Variants in DDX17 observed in about 807,000 individuals in gnomAD.
The protein encoded by DDX17 is probable ATP-dependent RNA helicase DDX17.
A neutral mutation model predicts 80.8 loss-of-function variants in DDX17; 10 were observed. The observed-to-expected ratio is 0.12, with a 90% CI of 0.08 to 0.21. DDX17 has a LOEUF of 0.21. Ranked by LOEUF, DDX17 falls within the 10% of genes least tolerant of loss-of-function variation. The probability of loss-of-function intolerance (pLI) is 1.00; values close to 1 mark genes in which losing one functional copy is unlikely to be tolerated. For missense variants in DDX17, 586 were observed against 957.4 expected (o/e 0.61, Z 5.12); for synonymous variants, 339 against 336.2 (o/e 1.01, Z -0.09).
intron 11 of DDX17, chr22:38,490,597 GAAC>G (rs2145690828): frequency 2.0e-6 from 1 of 511,522 alleles, no homozygotes; most frequent in East Asian, 7.1e-5. Context: ...TACCTGAAGG[GAAC>G]ATTTAAGAGA....
Position 38,490,442 on chromosome 22 carries a change from A to G in DDX17, c.1447+1614T>C, listed in dbSNP as rs767835906. On this transcript the variant is annotated intron_variant, in intron 11 of 12. Coordinates refer to ENST00000403230, the MANE Select transcript of DDX17 (RefSeq NM_006386.5). The stretch of plus-strand genomic sequence containing the variant: ...TGCAGCTGATATCAAAGCTTCTGTT[A>G]AAAAACAAAACAAAATAAATTCAAT... 17 of 1,289,324 alleles carry G rather than the reference A, an allele frequency of 1.3e-5. No individual in the cohort carries two copies. In the South Asian group the frequency reaches 2.0e-4, roughly 15 times the overall value. The allele number at this position is 1,289,324 out of a possible 1,614,324, so 79.9% of individuals were successfully genotyped here.
At chr22:38,486,500 TA>T (rs1182906096) in intron 12 of DDX17, 60 bp from the exon 13 acceptor site, 27 of 1,474,032 alleles carry the variant, frequency 1.8e-5, no homozygotes, top group Non-Finnish European at 2.4e-5. Flanking sequence ...CATAACAATG[TA>T]AAAATTCTAC....
intron 10 of DDX17, among the ~76,000 whole-genome samples, chr22:38,492,612 A>T: frequency 6.6e-6 from 1 of 152,122 alleles, no homozygotes; most frequent in Non-Finnish European, 1.5e-5. Flanking sequence ...TCAGTCTCCC[A>T]AATAGCTGGG....
chr22:38,502,688 TAGA>T, intron 1 of DDX17, among the ~76,000 whole-genome samples: 1 of 152,342 alleles, frequency 6.6e-6, no homozygotes, highest in South Asian at 2.1e-4. Flanking sequence ...CTACTTTTCC[TAGA>T]AGAATCTTAA....
At chr22:38,505,845 T>C in intron 1 of DDX17, 106 bp downstream of exon 1, 4 of 1,387,560 alleles carry the variant, frequency 2.9e-6, no homozygotes, top group South Asian at 2.8e-5. Flanking sequence ...TCCCCTCGCC[T>C]CCCGGGTCGA....
intron 1 of DDX17, among the ~76,000 whole-genome samples, chr22:38,503,205 A>G (rs1006469903): frequency 6.6e-6 from 1 of 152,202 alleles, no homozygotes; most frequent in East Asian, 1.9e-4. Flanking sequence ...CCAAAAGGCC[A>G]CCTCAATTGC....
In DDX17 at chr22:38,494,617, A is replaced by T; in HGVS notation, c.1214+13T>A. The T allele has an allele frequency of 6.2e-7, 1 of 1,612,790 alleles. No individual in the cohort carries two copies. Among genetic ancestry groups the T allele is most frequent in the Non-Finnish European group, 8.5e-7 (1 of 1,179,052 alleles). On this transcript the variant is annotated intron_variant, in intron 8 of 12. Coordinates refer to ENST00000403230, the MANE Select transcript of DDX17 (RefSeq NM_006386.5). Reference sequence around the variant, plus strand: ...ATCAGCATTATCAAATCAGAGTAAAATATCTTTCATACTTGTGGTCTTTTT... The same window carrying T: ...ATCAGCATTATCAAATCAGAGTAAATTATCTTTCATACTTGTGGTCTTTTT...
chr22:38,485,040 A>T lies in DDX17; in HGVS notation c.*895T>A, dbSNP rs2089640952. The stretch of plus-strand genomic sequence containing the variant: ...AATGTGCTTTTTACACTGCAGGTCA[A>T]TATAAAAACTGGTTAGTAAATTTCC... On this transcript the variant is annotated 3_prime_UTR_variant, in exon 13 of 13. Transcript: ENST00000403230. The T allele has an allele frequency of 6.6e-6, 1 of 152,350 alleles. No homozygotes were observed. The highest frequency in any genetic ancestry group is 2.1e-4 in the South Asian group (1 of 4,826). 9.4% of individuals were successfully genotyped at this position (152,350 alleles called of 1,614,324 possible). A position where few individuals can be genotyped will look rare whatever the true frequency, so the allele number is the denominator to read the frequency against.
chr22:38,488,548 CA>C, intron 11 of DDX17: 1 of 998,418 alleles, frequency 1.0e-6, no homozygotes, highest in East Asian at 1.0e-4. Context: ...AGAAGCCTGG[CA>C]AAATCTACCA....
At chr22:38,501,392 CA>C in intron 1 of DDX17, 112 bp from the exon 2 acceptor site, 1 of 1,238,008 alleles carries the variant, frequency 8.1e-7, no homozygotes, top group Non-Finnish European at 1.1e-6. Flanking sequence ...AGCCTACCTC[CA>C]AAAAGACCAT....
chr22:38,500,079 G>A (rs1450081804), intron 2 of DDX17, among the ~76,000 whole-genome samples: 1 of 151,598 alleles, frequency 6.6e-6, no homozygotes, highest in Non-Finnish European at 1.5e-5. Context: ...GGGAGGCTGA[G>A]GTGGGAGAAT....
chr22:38,488,471 CAG>C, intron 11 of DDX17: 2 of 1,131,542 alleles, frequency 1.8e-6, no homozygotes, highest in Non-Finnish European at 2.2e-6. Context: ...TTTACAAAAC[CAG>C]AACATAGAAC....
chr22:38,504,309 C>T (rs753724520), intron 1 of DDX17, among the ~76,000 whole-genome samples: 33 of 152,280 alleles, frequency 2.2e-4, no homozygotes, highest in Middle Eastern at 3.4e-3. Context: ...TTCAATTGTA[C>T]GAATACCCAC....
intron 1 of DDX17, among the ~76,000 whole-genome samples, chr22:38,503,999 T>C (rs558305824): frequency 2.5e-4 from 38 of 152,346 alleles, no homozygotes; most frequent in African/African-American, 8.9e-4. Context: ...GTAATTCACT[T>C]TTTTCCTTTC....
chr22:38,494,419 G>C, intron 8 of DDX17: 1 of 628,934 alleles, frequency 1.6e-6, no homozygotes, highest in Non-Finnish European at 2.7e-6. Flanking sequence ...CTTGTAATCA[G>C]CAGAGCTAAA....
intron 11 of DDX17, chr22:38,491,471 T>G (rs1197868735): frequency 6.6e-6 from 1 of 152,188 alleles, no homozygotes; most frequent in Non-Finnish European, 1.5e-5. Context: ...ATAACACACC[T>G]ACAGATAAGT....
chr22:38,490,331 T>C (rs1212892152), intron 11 of DDX17: 1 of 1,288,870 alleles, frequency 7.8e-7, no homozygotes, highest in Admixed American at 2.3e-5. Flanking sequence ...CAATCACTAA[T>C]AAGGAGGGAC....
chr22:38,506,233 G>A lies in DDX17; in HGVS notation c.5C>T (p.Pro2Leu), dbSNP rs755693708. Reference sequence around the variant, plus strand: ...GAGAATCGGGGCTACAAAGCCGGTGGGCAGGTTTGGCTACGCTCAAACCGG... The same window carrying A: ...GAGAATCGGGGCTACAAAGCCGGTGAGCAGGTTTGGCTACGCTCAAACCGG... Residue 2 changes from proline (P) to leucine (L), a missense_variant, in exon 1 of 13, where the codon CCC becomes CTC. Around this residue, in one of 4 missense-constraint regions of DDX17, gnomAD observed 215 missense variants for 238.4 expected, o/e 0.90. Coordinates refer to ENST00000403230, the MANE Select transcript of DDX17 (RefSeq NM_006386.5). 2.5e-6 allele frequency: 4 copies of A among 1,603,024 alleles called. No homozygotes were observed. The highest frequency in any genetic ancestry group is 3.4e-6 in the Non-Finnish European group (4 of 1,175,592).
chr22:38,497,619 CAAAAAAA>C (rs138449), intron 5 of DDX17, among the ~76,000 whole-genome samples: 2 of 74,888 alleles, frequency 2.7e-5, no homozygotes, highest in Admixed American at 1.9e-4. Context: ...AATATATCTC[CAAAAAAA>C]AAAAAAAAAA....
Sources: gnomAD v4.1 joint callset for allele counts (sites outside exome capture counted in the v4.1 genomes callset) on GRCh38, gnomAD v4.1.1 for gene constraint, gnomAD v4.1.1 regional missense constraint, MANE v1.5 for transcripts, NCBI Gene and HGNC (gene_info 2026-07-23, HGNC 2026-07-21) for gene names.